MCTP1: variants seen among roughly 807,000 people sequenced by gnomAD.
MCTP1 encodes multiple C2 and transmembrane domain-containing protein 1.
In MCTP1, 69 loss-of-function variants were observed where a neutral mutation model predicts 120.6. That is an observed-to-expected ratio of 0.57 (90% CI 0.47 to 0.70). MCTP1 has a LOEUF of 0.70. Among genes scored for constraint, MCTP1 ranks in the 30% least tolerant of loss-of-function variants. MCTP1 has a pLI of 0.00. For missense variants in MCTP1, 1,203 were observed against 1,248.8 expected, an observed-to-expected ratio of 0.96 and a Z score of 0.55; for synonymous variants, 529 against 493.1, an observed-to-expected ratio of 1.07 and a Z score of -0.96.
intron 19 of MCTP1, among the ~76,000 whole-genome samples, chr5:94,778,258 C>A (rs960925538): frequency 6.6e-6 from 1 of 152,010 alleles, no homozygotes; most frequent in Non-Finnish European, 1.5e-5. Context: ...TGGTTTTACA[C>A]GCCAAACAAC....
At position 94,887,561 on chromosome 5, in the gene MCTP1, T is replaced by C. The variant is rs1046026024; in HGVS notation, c.1933+1318A>G. Among the ~76,000 whole-genome samples the C allele has an allele frequency of 3.9e-5, 6 of 152,216 alleles. No individual in the cohort carries two copies. In the South Asian group the frequency reaches 1.2e-3, roughly 32 times the overall value. ...TGATTATAATCATACTAGAAAGAAA[T>C]TTCATAAGTAGGAACATGTATATAC... On this transcript the variant is annotated intron_variant, in intron 12 of 22. Transcript: ENST00000515393.
chr5:95,079,019 G>A (rs1004827049), intron 1 of MCTP1, among the ~76,000 whole-genome samples: 16 of 152,086 alleles, frequency 1.1e-4, no homozygotes, highest in South Asian at 2.1e-4. Context: ...AAATTGCCGC[G>A]AATAAATACT....
chr5:94,919,135 G>T (rs1810906976), intron 7 of MCTP1, among the ~76,000 whole-genome samples: 1 of 152,184 alleles, frequency 6.6e-6, no homozygotes, highest in African/African-American at 2.4e-5. Flanking sequence ...CTAATCGAGG[G>T]ATTAGAGGAA....
At chr5:95,053,716 G>A (rs1746617729) in intron 1 of MCTP1, among the ~76,000 whole-genome samples, 1 of 152,062 alleles carries the variant, frequency 6.6e-6, no homozygotes. Flanking sequence ...GTAGGTGAGG[G>A]GCTCTGACTC....
chr5:95,017,369 C>G lies in MCTP1; in HGVS notation c.836G>C (p.Gly279Ala). 2 of 1,597,848 alleles carry G rather than the reference C, an allele frequency of 1.3e-6. No individual in the cohort carries two copies. The highest frequency in any genetic ancestry group is 1.7e-6 in the Non-Finnish European group (2 of 1,168,860). The change falls in exon 2 of 23, where the codon GGA (glycine) becomes GCA (alanine). Residue 279 changes from glycine to alanine, a missense_variant and splice_region_variant. Coordinates refer to ENST00000515393, the MANE Select transcript of MCTP1 (RefSeq NM_024717.7). The stretch of plus-strand genomic sequence containing the variant: ...TGATATTGCTCTTATGCTCTTACCT[C>G]CTCGATCTCGAGCAGCTAAACTTTG... ...RGQSLAARDRGGTSDPYVKFK... is the reference protein window; with the variant it reads ...RGQSLAARDRAGTSDPYVKFK...
At chr5:94,778,175 C>A (rs1199366291) in intron 19 of MCTP1, among the ~76,000 whole-genome samples, 1 of 151,908 alleles carries the variant, frequency 6.6e-6, no homozygotes, top group Admixed American at 6.6e-5. Context: ...ATACTGTTTT[C>A]CTCCTTTCTT....
chr5:94,765,657 T>C (rs967236769), intron 19 of MCTP1, among the ~76,000 whole-genome samples: 2 of 136,400 alleles, frequency 1.5e-5, no homozygotes, highest in African/African-American at 5.6e-5. Context: ...GCCGAGATCA[T>C]ACCACTGCAC....
chr5:95,207,450 C>A (rs1190422765), intron 1 of MCTP1, among the ~76,000 whole-genome samples: 3 of 152,132 alleles, frequency 2.0e-5, no homozygotes, highest in Non-Finnish European at 4.4e-5. Flanking sequence ...CAATATTCAA[C>A]AGTTTCTGCA....
intron 18 of MCTP1, chr5:94,789,427 T>G (rs915091571): frequency 6.6e-6 from 1 of 152,364 alleles, no homozygotes; most frequent in Admixed American, 6.5e-5. Flanking sequence ...TGTCACGTAC[T>G]GGTAATACTC....
intron 12 of MCTP1, among the ~76,000 whole-genome samples, chr5:94,879,708 C>T (rs1241849509): frequency 6.6e-6 from 1 of 152,010 alleles, no homozygotes; most frequent in African/African-American, 2.4e-5. Flanking sequence ...CCATTGTACA[C>T]TCATGAAAGA....
intron 1 of MCTP1, chr5:95,081,331 G>A: frequency 9.5e-7 from 1 of 1,050,406 alleles, no homozygotes; most frequent in Non-Finnish European, 1.4e-6. Context: ...AATACCCCGT[G>A]AGAAGGCATT....
At chr5:94,800,648 T>C (rs562263942) in intron 17 of MCTP1, among the ~76,000 whole-genome samples, 62 of 152,326 alleles carry the variant, frequency 4.1e-4, no homozygotes, top group African/African-American at 1.4e-3. Flanking sequence ...TCTTTAATAT[T>C]TCTCTAATAT....
chr5:95,274,453 C>A (rs1470032751), intron 1 of MCTP1, among the ~76,000 whole-genome samples: 2 of 152,086 alleles, frequency 1.3e-5, no homozygotes, highest in East Asian at 1.9e-4. Flanking sequence ...TGGGACCCAC[C>A]CCAACCCATG....
At chr5:95,107,227 A>G (rs886239731) in intron 1 of MCTP1, among the ~76,000 whole-genome samples, 1 of 152,232 alleles carries the variant, frequency 6.6e-6, no homozygotes, top group Non-Finnish European at 1.5e-5. Flanking sequence ...CAATCCGAAA[A>G]TATATGAGGA....
chr5:95,195,244 G>C (rs906315682), intron 1 of MCTP1, among the ~76,000 whole-genome samples: 2 of 152,150 alleles, frequency 1.3e-5, no homozygotes, highest in South Asian at 4.1e-4. Context: ...ACAGAATCTT[G>C]GGTTTTTCCC....
chr5:94,950,577 T>C (rs1406387747), intron 3 of MCTP1, among the ~76,000 whole-genome samples: 1 of 152,176 alleles, frequency 6.6e-6, no homozygotes, highest in Admixed American at 6.5e-5. Flanking sequence ...TACATACATA[T>C]ATACACCTAT....
chr5:95,047,686 C>T (rs1471865852), intron 1 of MCTP1, among the ~76,000 whole-genome samples: 1 of 151,988 alleles, frequency 6.6e-6, no homozygotes, highest in Non-Finnish European at 1.5e-5. Context: ...TAGTCTAATG[C>T]CTAGCTAAGG....
intron 1 of MCTP1, among the ~76,000 whole-genome samples, chr5:95,042,814 C>T: frequency 6.6e-6 from 1 of 152,168 alleles, no homozygotes; most frequent in East Asian, 1.9e-4. Flanking sequence ...TTCAGCTCTA[C>T]CTCAAACTGT....
At position 94,808,678 on chromosome 5, in the gene MCTP1, TAC is replaced by T. The variant is rs1272574560; in HGVS notation, c.2437-9548_2437-9547del. The stretch of plus-strand genomic sequence containing the variant: ...GGAAAAAAAATCAAAGTGCACTATC[TAC>T]CAAATGACTCTATATTGAGTAGGCA... On this transcript the variant is annotated intron_variant, in intron 17 of 22. Transcript: ENST00000515393. Among the ~76,000 whole-genome samples the T allele has an allele frequency of 2.0e-3, 308 of 152,216 alleles. 2 individuals are homozygous for T. The highest frequency in any genetic ancestry group is 6.4e-3 in the African/African-American group (266 of 41,524).
Sources: allele counts gnomAD v4.1 joint callset (sites outside exome capture counted in the v4.1 genomes callset), GRCh38; gene constraint gnomAD v4.1.1; transcripts MANE v1.5; gene names NCBI Gene and HGNC (gene_info 2026-07-23, HGNC 2026-07-21).